Variants in DAB1 observed in about 807,000 individuals in gnomAD.
DAB1 encodes disabled homolog 1.
Under a neutral mutation model 64.6 loss-of-function variants are expected in DAB1, and 15 were observed. The ratio of observed to expected loss-of-function variants is 0.23; its 90% CI spans 0.16 to 0.36. The LOEUF (loss-of-function observed/expected upper bound fraction) is 0.36, where lower values mean the gene tolerates loss of function less well. Ranked by LOEUF, DAB1 falls within the 10% of genes least tolerant of loss-of-function variation. DAB1 has a pLI of 1.00. For missense variants in DAB1, 596 were observed against 706.7 expected (o/e 0.84, Z 1.78); for synonymous variants, 235 against 251.9 (o/e 0.93, Z 0.64).
At chr1:57,369,717 CA>C (rs1680344222) in intron 1 of DAB1, among the ~76,000 whole-genome samples, 1 of 152,180 alleles carries the variant, frequency 6.6e-6, no homozygotes, top group Non-Finnish European at 1.5e-5. Context: ...CTCTGCTAGG[CA>C]CCTGCTAGGA....
At chr1:57,766,047 T>C (rs895262817) in intron 6 of DAB1, among the ~76,000 whole-genome samples, 1 of 152,138 alleles carries the variant, frequency 6.6e-6, no homozygotes, top group African/African-American at 2.4e-5. Context: ...GGTTCACTCC[T>C]TCGGTGATCT....
At chr1:58,291,104 A>C (rs998319977) in intron 4 of DAB1, among the ~76,000 whole-genome samples, 7 of 152,164 alleles carry the variant, frequency 4.6e-5, no homozygotes, top group African/African-American at 1.7e-4. Flanking sequence ...AAAAGGAATA[A>C]ATTGAAGTAG....
In DAB1 at chr1:58,505,302, T is replaced by A. The variant is rs146870582; in HGVS notation, n.257+758A>T. Among the ~76,000 whole-genome samples, 559 of 152,296 alleles carry A rather than the reference T, an allele frequency of 3.7e-3. 4 individuals are homozygous for A. The highest frequency in any genetic ancestry group is 0.013 in the African/African-American group (536 of 41,566). On this transcript the variant is annotated intron_variant and non_coding_transcript_variant, in intron 3 of 20. Coordinates refer to the DAB1 transcript ENST00000485760. ...CCTTAGCACATGGCCCAGTACCAAT[T>A]CTTAAATTGCTAAAAAATGTTCCGC...
At chr1:57,558,012 C>T (rs1047266502) in intron 7 of DAB1, among the ~76,000 whole-genome samples, 1 of 101,822 alleles carries the variant, frequency 9.8e-6, no homozygotes, top group Non-Finnish European at 2.2e-5. Context: ...ATGTGAGTGG[C>T]TGACCTGCAA....
chr1:57,236,596 A>G (rs1329779610), intron 2 of DAB1, among the ~76,000 whole-genome samples: 1 of 152,248 alleles, frequency 6.6e-6, no homozygotes, highest in East Asian at 1.9e-4. Flanking sequence ...CAGGGATGAC[A>G]CAGGAGAAAC....
intron 1 of DAB1, among the ~76,000 whole-genome samples, chr1:57,328,678 G>A (rs769676866): frequency 3.9e-5 from 6 of 152,196 alleles, no homozygotes; most frequent in Admixed American, 3.9e-4. Context: ...GCCATGCCAT[G>A]ATTCAATTCT....
At chr1:58,195,685 G>A (rs72667945) in intron 4 of DAB1, among the ~76,000 whole-genome samples, 5 of 152,142 alleles carry the variant, frequency 3.3e-5, no homozygotes, top group Admixed American at 2.0e-4. Flanking sequence ...GCAAATATGA[G>A]TCAGAAGATA....
intron 1 of DAB1, among the ~76,000 whole-genome samples, chr1:57,353,328 G>A (rs1678762884): frequency 6.6e-6 from 1 of 152,016 alleles, no homozygotes. Context: ...TACTCTCTCT[G>A]TCCTCAAGGA....
chr1:57,719,349 C>T (rs192325648), intron 6 of DAB1, among the ~76,000 whole-genome samples: 7 of 152,060 alleles, frequency 4.6e-5, no homozygotes, highest in African/African-American at 7.2e-5. Flanking sequence ...AGGGTTTGTA[C>T]GTTTAAAAGA....
chr1:57,417,846 C>T (rs115173106), intron 1 of DAB1, among the ~76,000 whole-genome samples: 2,355 of 152,240 alleles, frequency 0.015, 69 homozygotes, highest in African/African-American at 0.053. Context: ...CAATAACCAT[C>T]CTTCATGCTT....
chr1:58,013,472 A>G (rs1646697599), intron 5 of DAB1, among the ~76,000 whole-genome samples: 1 of 152,122 alleles, frequency 6.6e-6, no homozygotes, highest in Non-Finnish European at 1.5e-5. Flanking sequence ...CCAAAAAAAG[A>G]GAAGAATTTT....
chr1:57,049,479 A>AAAAAAAAAAAT, intron 9 of DAB1, among the ~76,000 whole-genome samples: 1 of 138,304 alleles, frequency 7.2e-6, no homozygotes, highest in Admixed American at 7.6e-5. Context: ...AAAAAAAAAG[A>AAAAAAAAAAAT]AGTTAGAGAC....
intron 7 of DAB1, among the ~76,000 whole-genome samples, chr1:57,626,247 A>C (rs924421830): frequency 2.6e-5 from 4 of 152,136 alleles, no homozygotes; most frequent in Admixed American, 2.6e-4. Context: ...GAAGGTTTCT[A>C]AGGAGATGAT....
chr1:58,467,732 T>C (rs899071502), intron 3 of DAB1, among the ~76,000 whole-genome samples: 3 of 152,228 alleles, frequency 2.0e-5, no homozygotes, highest in African/African-American at 4.8e-5. Flanking sequence ...TTGTTGGGCA[T>C]GATTTAATAT....
At chr1:57,086,645 AC>A (rs1481405237) in intron 4 of DAB1, among the ~76,000 whole-genome samples, 2 of 14,856 alleles carry the variant, frequency 1.3e-4, no homozygotes, top group East Asian at 8.4e-3. Flanking sequence ...TCTGTCTTAA[AC>A]ACACACACAC....
chr1:57,685,460 TAGTC>T (rs1378451974), intron 6 of DAB1, among the ~76,000 whole-genome samples: 1 of 152,096 alleles, frequency 6.6e-6, no homozygotes, highest in Non-Finnish European at 1.5e-5. Context: ...CAAACAATAA[TAGTC>T]AGAGACTTCA....
At chr1:58,483,392 T>TA (rs1645522658) in intron 3 of DAB1, among the ~76,000 whole-genome samples, 1 of 152,174 alleles carries the variant, frequency 6.6e-6, no homozygotes, top group Non-Finnish European at 1.5e-5. Context: ...GCGAGCCAGA[T>TA]AGACGTTCTC....
intron 5 of DAB1, among the ~76,000 whole-genome samples, chr1:57,899,964 G>A (rs568942756): frequency 3.3e-5 from 5 of 151,106 alleles, no homozygotes; most frequent in African/African-American, 1.2e-4. Flanking sequence ...TTTAGAGACA[G>A]GGTCTCACTT....
At chr1:57,312,110 C>T (rs1674762180) in intron 1 of DAB1, among the ~76,000 whole-genome samples, 3 of 152,322 alleles carry the variant, frequency 2.0e-5, no homozygotes, top group Middle Eastern at 3.4e-3. Context: ...ATAAGATTTA[C>T]ACATTTTTAT....
Sources: allele counts gnomAD v4.1 joint callset (sites outside exome capture counted in the v4.1 genomes callset), GRCh38; gene constraint gnomAD v4.1.1; transcripts MANE v1.5; gene names NCBI Gene and HGNC (gene_info 2026-07-23, HGNC 2026-07-21).